The following COP1 variants were observed in gnomAD, a reference collection of about 807,000 sequenced individuals.
COP1 encodes the protein E3 ubiquitin-protein ligase COP1.
COP1 carries 24 observed loss-of-function variants against 101.3 expected under a neutral mutation model. The ratio of observed to expected loss-of-function variants is 0.24; its 90% confidence interval spans 0.17 to 0.33. The LOEUF (loss-of-function observed/expected upper bound fraction) is 0.33, where lower values mean the gene tolerates loss of function less well. Among genes scored for constraint, COP1 ranks in the 10% least tolerant of loss-of-function variants. The probability of loss-of-function intolerance (pLI) is 1.00; values close to 1 mark genes in which losing one functional copy is unlikely to be tolerated. For missense variants in COP1, 663 were observed against 906.2 expected (o/e 0.73, Z 3.45); for synonymous variants, 347 against 341.9 (o/e 1.01, Z -0.17).
intron 15 of COP1, among the ~76,000 whole-genome samples, chr1:176,000,370 G>C (rs770663677): frequency 6.6e-6 from 1 of 152,022 alleles, no homozygotes; most frequent in Non-Finnish European, 1.5e-5. Context: ...TTTCTCCAGT[G>C]TATGTTCTTG....
At chr1:175,992,933 T>C (rs1353070456) in intron 15 of COP1, among the ~76,000 whole-genome samples, 3 of 152,202 alleles carry the variant, frequency 2.0e-5, no homozygotes, top group Non-Finnish European at 4.4e-5. Flanking sequence ...ACGGGCAGAC[T>C]GCCTCCTCAA....
At chr1:176,156,867 C>T (rs551044726) in intron 5 of COP1, among the ~76,000 whole-genome samples, 18 of 152,204 alleles carry the variant, frequency 1.2e-4, no homozygotes, top group African/African-American at 3.4e-4. Context: ...GTAACACACT[C>T]GTCAGCAACT....
At chr1:176,094,333 T>G (rs974787210) in intron 9 of COP1, among the ~76,000 whole-genome samples, 1 of 151,864 alleles carries the variant, frequency 6.6e-6, no homozygotes, top group Non-Finnish European at 1.5e-5. Context: ...TATGCAACAC[T>G]TGGGTCATCA....
intron 10 of COP1, 70 bp from the exon 11 acceptor site, chr1:176,081,357 C>A: frequency 8.2e-7 from 1 of 1,222,144 alleles, no homozygotes. Flanking sequence ...AGAGCCACAT[C>A]CACAAATTAA....
At chr1:176,194,741 A>G (rs1367943161) in intron 1 of COP1, among the ~76,000 whole-genome samples, 1 of 152,024 alleles carries the variant, frequency 6.6e-6, no homozygotes, top group Non-Finnish European at 1.5e-5. Flanking sequence ...ACACGTACAT[A>G]ATAGACATGA....
At chr1:176,179,669 C>T (rs148562770) in intron 2 of COP1, among the ~76,000 whole-genome samples, 1 of 150,552 alleles carries the variant, frequency 6.6e-6, no homozygotes, top group Non-Finnish European at 1.5e-5. Flanking sequence ...CCCAGGAGAT[C>T]GAGGGTGCAG....
chr1:175,975,011 C>T (rs1429700941), intron 18 of COP1, among the ~76,000 whole-genome samples: 1 of 151,692 alleles, frequency 6.6e-6, no homozygotes, highest in South Asian at 2.1e-4. Flanking sequence ...AAATCTCATG[C>T]TCATTTTTAA....
At chr1:176,023,080 T>C (rs991592772) in intron 15 of COP1, among the ~76,000 whole-genome samples, 1 of 152,148 alleles carries the variant, frequency 6.6e-6, no homozygotes, top group Admixed American at 6.5e-5. Context: ...ATTACAGTAA[T>C]GGCATCATGT....
At chr1:176,155,575 GCTGA>G (rs977959673) in intron 5 of COP1, among the ~76,000 whole-genome samples, 29 of 152,040 alleles carry the variant, frequency 1.9e-4, no homozygotes, top group African/African-American at 2.9e-4. Context: ...ACAAGTAATG[GCTGA>G]CTATGTTCAA....
At chr1:175,957,948 T>C (rs889883130) in intron 18 of COP1, among the ~76,000 whole-genome samples, 1 of 152,148 alleles carries the variant, frequency 6.6e-6, no homozygotes, top group East Asian at 1.9e-4. Flanking sequence ...ATTCCTGTTA[T>C]ATGAAATCCT....
chr1:176,148,339 C>T (rs1691896479), intron 6 of COP1, among the ~76,000 whole-genome samples: 1 of 151,580 alleles, frequency 6.6e-6, no homozygotes, highest in Non-Finnish European at 1.5e-5. Context: ...TAAAAAGTAT[C>T]CTAATTAGAC....
At position 176,005,474 on chromosome 1, in the gene COP1, C is replaced by G. The variant is rs973763778; in HGVS notation, c.1730-15995G>C. Among the ~76,000 whole-genome samples, 10 of 152,144 alleles carry G rather than the reference C, an allele frequency of 6.6e-5. No homozygotes were observed. In the East Asian group the frequency reaches 1.5e-3, roughly 24 times the overall value. The stretch of plus-strand genomic sequence containing the variant: ...GTCAATTTTGGATCTTTCCTGCTTT[C>G]TCTTGTGGGCATTTAGTGCTATAAA... On this transcript the variant is annotated intron_variant, in intron 15 of 19. Transcript: ENST00000367669.
intron 18 of COP1, among the ~76,000 whole-genome samples, chr1:175,951,109 C>T (rs1243161730): frequency 6.6e-6 from 1 of 151,844 alleles, no homozygotes; most frequent in Non-Finnish European, 1.5e-5. Flanking sequence ...ATTAGCCAGG[C>T]GTGGTGGCAC....
chr1:176,133,217 C>T (rs928224923), intron 8 of COP1, among the ~76,000 whole-genome samples: 11 of 55,408 alleles, frequency 2.0e-4, no homozygotes, highest in African/African-American at 5.3e-4. Context: ...TACACACATA[C>T]GTATATACGT....
chr1:176,140,548 AC>A (rs1440044816), intron 6 of COP1, among the ~76,000 whole-genome samples: 1 of 152,188 alleles, frequency 6.6e-6, no homozygotes, highest in Admixed American at 6.5e-5. Context: ...ACATTTTAGT[AC>A]TAGTAAATAG....
In COP1 at chr1:176,054,299, T is replaced by C. The variant is rs181542384; in HGVS notation, c.1278-7975A>G. On this transcript the variant is annotated intron_variant, in intron 11 of 19. Coordinates refer to ENST00000367669, the MANE Select transcript of COP1 (RefSeq NM_022457.7). ...GCCTCAGCCTCCCAAGTAGCTGGGA[T>C]TACAGGCGTGCACCACCATGCCCAG... Among the ~76,000 whole-genome samples, 585 of 151,984 alleles carry C rather than the reference T, an allele frequency of 3.8e-3. 5 individuals carry two copies. Among genetic ancestry groups the C allele is most frequent in the Non-Finnish European group, 5.2e-3 (354 of 67,954 alleles).
chr1:176,177,707 T>G (rs1697162363), intron 2 of COP1, among the ~76,000 whole-genome samples: 1 of 152,112 alleles, frequency 6.6e-6, no homozygotes, highest in Non-Finnish European at 1.5e-5. Flanking sequence ...TACTATAAAT[T>G]TACTTGAGCT....
chr1:176,016,205 C>T (rs914720753), intron 15 of COP1, among the ~76,000 whole-genome samples: 10 of 151,678 alleles, frequency 6.6e-5, no homozygotes, highest in Non-Finnish European at 1.5e-4. Flanking sequence ...GCTATTTAAA[C>T]ACAATAACTA....
chr1:176,047,714 G>A (rs1202245101), intron 11 of COP1, among the ~76,000 whole-genome samples: 2 of 152,134 alleles, frequency 1.3e-5, no homozygotes, highest in Non-Finnish European at 2.9e-5. Flanking sequence ...TCACAGAACA[G>A]TTAATGATTA....
Sources: allele counts gnomAD v4.1 joint callset (sites outside exome capture counted in the v4.1 genomes callset), GRCh38; gene constraint gnomAD v4.1.1; transcripts MANE v1.5; gene names NCBI Gene and HGNC (gene_info 2026-07-23, HGNC 2026-07-21).